The following PIK3C2G variants were observed in gnomAD, a reference collection of about 807,000 sequenced individuals.
PIK3C2G encodes the protein phosphatidylinositol 3-kinase C2 domain-containing subunit gamma.
Under a neutral mutation model 181.1 loss-of-function variants are expected in PIK3C2G, and 168 were observed. The ratio of observed to expected loss-of-function variants is 0.93; its 90% CI spans 0.82 to 1.05. The LOEUF is 1.05. Ranked by LOEUF, PIK3C2G falls within the 50% of genes least tolerant of loss-of-function variation. The pLI, the probability that PIK3C2G is intolerant of heterozygous loss-of-function variation, is 0.00. For missense variants in PIK3C2G, 1,869 were observed against 1,732.8 expected (o/e 1.08, Z -1.40); for synonymous variants, 573 against 592.2 (o/e 0.97, Z 0.47).
intron 29 of PIK3C2G, among the ~76,000 whole-genome samples, chr12:18,571,460 A>T (rs559118010): frequency 4.0e-5 from 6 of 150,874 alleles, no homozygotes; most frequent in African/African-American, 1.2e-4. Flanking sequence ...ATATTCCACT[A>T]TATTTATACA....
At chr12:18,714,859 A>T in the PIK3C2G span, 29 of 152,158 alleles carry the variant, frequency 1.9e-4, no homozygotes, top group African/African-American at 6.3e-4. Flanking sequence ...TATCTGACTT[A>T]AAAAATGAAA....
At chr12:18,387,783 A>G in intron 14 of PIK3C2G, among the ~76,000 whole-genome samples, 1 of 152,224 alleles carries the variant, frequency 6.6e-6, no homozygotes. Flanking sequence ...AACATCTAGC[A>G]CAGTAGTTGG....
At chr12:18,538,398 G>A in intron 25 of PIK3C2G, 86 bp downstream of exon 25, 2 of 1,129,174 alleles carry the variant, frequency 1.8e-6, no homozygotes, top group Admixed American at 2.4e-5. Flanking sequence ...ATGGCTTGGA[G>A]TTCCCCAAGG....
chr12:18,311,864 T>C (rs1026784444), intron 5 of PIK3C2G, among the ~76,000 whole-genome samples: 4 of 152,018 alleles, frequency 2.6e-5, no homozygotes, highest in African/African-American at 9.7e-5. Flanking sequence ...AGAAAGCCAG[T>C]CCGAGTCCCA....
intron 15 of PIK3C2G, among the ~76,000 whole-genome samples, chr12:18,393,175 T>G (rs1283016031): frequency 6.6e-6 from 1 of 152,230 alleles, no homozygotes; most frequent in East Asian, 1.9e-4. Context: ...GTTTGTGTTT[T>G]TAAATTAACC....
At chr12:18,474,471 C>G (rs1938775053) in intron 18 of PIK3C2G, among the ~76,000 whole-genome samples, 1 of 152,070 alleles carries the variant, frequency 6.6e-6, no homozygotes, top group Admixed American at 6.6e-5. Context: ...TTATACCTTT[C>G]CAGAATTCTT....
the PIK3C2G span, among the ~76,000 whole-genome samples, chr12:18,661,494 C>T: frequency 6.6e-6 from 1 of 152,048 alleles, no homozygotes; most frequent in Non-Finnish European, 1.5e-5. Flanking sequence ...ACCATGAATC[C>T]TGTATCTAGC....
intron 16 of PIK3C2G, among the ~76,000 whole-genome samples, chr12:18,408,107 A>T (rs58238196): frequency 0.11 from 16,880 of 152,100 alleles, 1,277 homozygotes; most frequent in Admixed American, 0.27. Context: ...GAGGAAAGCA[A>T]AAATAAATGA....
the PIK3C2G span, among the ~76,000 whole-genome samples, chr12:18,657,724 A>C: frequency 1.4e-4 from 22 of 152,296 alleles, no homozygotes; most frequent in East Asian, 4.1e-3. Flanking sequence ...AGTGAATCTG[A>C]TTTCTAGAGT....
chr12:18,289,880 G>T (rs916716592), intron 3 of PIK3C2G, among the ~76,000 whole-genome samples: 19 of 14,160 alleles, frequency 1.3e-3, no homozygotes, highest in East Asian at 7.7e-3. Context: ...TGTCAGCATA[G>T]TTAACATAAA....
At chr12:18,460,623 C>CATATAT (rs144060852) in intron 18 of PIK3C2G, among the ~76,000 whole-genome samples, 3,101 of 136,016 alleles carry the variant, frequency 0.023, 41 homozygotes, top group African/African-American at 0.038. Context: ...ACATCATATT[C>CATATAT]ATATATATAT....
chr12:18,521,248 G>C (rs184795223), intron 24 of PIK3C2G, among the ~76,000 whole-genome samples: 26 of 152,326 alleles, frequency 1.7e-4, no homozygotes, highest in African/African-American at 5.5e-4. Context: ...AGCAGGACTC[G>C]TTTAACGAAG....
chr12:18,677,936 G>T, the PIK3C2G span, among the ~76,000 whole-genome samples: 10 of 152,208 alleles, frequency 6.6e-5, no homozygotes, highest in Non-Finnish European at 1.3e-4. Flanking sequence ...TATGTGGTGT[G>T]TTTGTGTGTG....
At chr12:18,684,387 A>G in the PIK3C2G span, 6 of 1,060,490 alleles carry the variant, frequency 5.7e-6, no homozygotes, top group Non-Finnish European at 6.9e-6. Flanking sequence ...TAACAATAAT[A>G]TCTTGTGTTT....
intron 31 of PIK3C2G, among the ~76,000 whole-genome samples, chr12:18,621,563 A>C (rs1434466086): frequency 6.6e-6 from 1 of 151,664 alleles, no homozygotes; most frequent in Non-Finnish European, 1.5e-5. Flanking sequence ...ATTAACATAC[A>C]TGTGTATAAC....
At chr12:18,381,172 G>C (rs369176925) in intron 13 of PIK3C2G, among the ~76,000 whole-genome samples, 70 of 152,010 alleles carry the variant, frequency 4.6e-4, no homozygotes, top group Middle Eastern at 6.8e-3. Context: ...CATTTACTAT[G>C]GTAATTTACC....
chr12:18,384,365 A>T (rs1477939473), intron 14 of PIK3C2G, among the ~76,000 whole-genome samples: 2 of 152,202 alleles, frequency 1.3e-5, no homozygotes, highest in Non-Finnish European at 2.9e-5. Flanking sequence ...AGTAATATGA[A>T]GAACTCAGTT....
At chr12:18,507,670 CT>C (rs201646776) in intron 24 of PIK3C2G, among the ~76,000 whole-genome samples, 4 of 151,092 alleles carry the variant, frequency 2.6e-5, no homozygotes, top group African/African-American at 4.9e-5. Flanking sequence ...GTTTGGACAT[CT>C]TTTTTTTTAA....
intron 22 of PIK3C2G, among the ~76,000 whole-genome samples, chr12:18,500,246 G>GGCCGGCCCT (rs1406224323): frequency 2.0e-5 from 3 of 151,848 alleles, no homozygotes; most frequent in Non-Finnish European, 4.4e-5. Context: ...CGGAGCGGCC[G>GGCCGGCCCT]GCCGGCCCTG....
Sources: allele counts gnomAD v4.1 joint callset (sites outside exome capture counted in the v4.1 genomes callset), GRCh38; gene constraint gnomAD v4.1.1; transcripts MANE v1.5; gene names NCBI Gene and HGNC (gene_info 2026-07-23, HGNC 2026-07-21).